Variants in EVL observed in about 807,000 individuals in gnomAD.
The protein encoded by EVL is ena/VASP-like protein.
EVL carries 21 observed loss-of-function variants against 59.6 expected under a neutral mutation model. That is an observed-to-expected ratio of 0.35 (90% confidence interval 0.25 to 0.51). EVL has a LOEUF of 0.51. Among genes scored for constraint, EVL ranks in the 20% least tolerant of loss-of-function variants. EVL has a pLI of 0.97. For synonymous variants in EVL, 198 were observed against 203.5 expected (o/e 0.97, Z 0.23); for missense variants, 462 against 546.6 (o/e 0.85, Z 1.54).
In EVL at chr14:100,130,661, T is replaced by C. The variant is rs61984555; in HGVS notation, c.839+977T>C. Among the ~76,000 whole-genome samples the C allele has an allele frequency of 0.027, 4,155 of 152,334 alleles. 81 individuals are homozygous for C. Among genetic ancestry groups the C allele is most frequent in the Non-Finnish European group, 0.041 (2,759 of 68,016 alleles). On this transcript the variant is annotated intron_variant, in intron 7 of 13. Coordinates refer to ENST00000392920, the MANE Select transcript of EVL (RefSeq NM_016337.3). The surrounding 1 kb of genome is among the most constrained non-coding windows in gnomAD (Gnocchi z 4.8). ...CCTTCCCGTGGCTCCATGAGGATGATGCGAGATGACAGAGGCCCACAGCTG... is the reference window on the plus strand; with the variant it reads ...CCTTCCCGTGGCTCCATGAGGATGACGCGAGATGACAGAGGCCCACAGCTG...
chr14:100,087,276 G>T (rs756631969), intron 2 of EVL, among the ~76,000 whole-genome samples: 2 of 152,190 alleles, frequency 1.3e-5, no homozygotes, highest in Non-Finnish European at 2.9e-5. Flanking sequence ...CTTACATTCA[G>T]GGTGACAAAC....
At chr14:100,047,818 G>T (rs567110690) in intron 1 of EVL, among the ~76,000 whole-genome samples, 1 of 152,036 alleles carries the variant, frequency 6.6e-6, no homozygotes, top group Non-Finnish European at 1.5e-5. Flanking sequence ...AATAGGTCCC[G>T]ACAAAAATGC....
intron 2 of EVL, chr14:100,085,125 A>G (rs1305869173): frequency 3.2e-6 from 1 of 314,604 alleles, no homozygotes; most frequent in Non-Finnish European, 5.8e-6. Context: ...TCAGATTAAA[A>G]TAAATAATAG....
At chr14:100,016,255 G>T (rs1180550386) in intron 1 of EVL, among the ~76,000 whole-genome samples, 1 of 152,078 alleles carries the variant, frequency 6.6e-6, no homozygotes, top group Non-Finnish European at 1.5e-5. Flanking sequence ...AAAACACTGG[G>T]CGTTGTGGCT....
Position 100,131,388 on chromosome 14 carries a change from C to A in EVL, c.840-1331C>A, listed in dbSNP as rs117549428. On this transcript the variant is annotated intron_variant, in intron 7 of 13. Coordinates refer to ENST00000392920, the MANE Select transcript of EVL (RefSeq NM_016337.3). ...TCAGCAGGGATCAATCAGGTGCTCT[C>A]TGAAATCCACCTCAGTGATGGCTAC... Among the ~76,000 whole-genome samples the A allele has an allele frequency of 8.1e-4, 123 of 152,296 alleles. No individual in the cohort carries two copies. In the East Asian group the frequency reaches 0.019, roughly 23 times the overall value.
intron 1 of EVL, among the ~76,000 whole-genome samples, chr14:100,060,052 A>G (rs1195309637): frequency 6.6e-6 from 1 of 152,260 alleles, no homozygotes; most frequent in East Asian, 1.9e-4. Context: ...CAAATTACCC[A>G]TAATAAATAT....
At chr14:100,025,813 G>A (rs538032396) in intron 1 of EVL, among the ~76,000 whole-genome samples, 1 of 152,286 alleles carries the variant, frequency 6.6e-6, no homozygotes, top group South Asian at 2.1e-4. Context: ...GCGCATGCCT[G>A]TAATCCTAGC....
intron 1 of EVL, among the ~76,000 whole-genome samples, chr14:100,014,857 T>G (rs2061039297): frequency 6.6e-6 from 1 of 152,166 alleles, no homozygotes; most frequent in Admixed American, 6.5e-5. Context: ...ATTCCTCTTA[T>G]TACCGCTCAG....
intron 1 of EVL, among the ~76,000 whole-genome samples, chr14:100,041,065 A>G (rs1007793117): frequency 6.6e-6 from 1 of 152,218 alleles, no homozygotes. Flanking sequence ...ATATATTAAT[A>G]CATAATATGC....
chr14:100,136,033 T>C, intron 9 of EVL, 65 bp downstream of exon 9: 2 of 1,561,262 alleles, frequency 1.3e-6, no homozygotes, highest in South Asian at 2.2e-5. Context: ...GGGGGACCCT[T>C]CGGACAGGAC....
At chr14:100,059,890 C>T (rs2061794115) in intron 1 of EVL, among the ~76,000 whole-genome samples, 1 of 152,142 alleles carries the variant, frequency 6.6e-6, no homozygotes, top group Non-Finnish European at 1.5e-5. Flanking sequence ...TAGCATAATC[C>T]AGACTTTCTG....
At chr14:100,135,611 G>C in intron 8 of EVL, 1 of 351,494 alleles carries the variant, frequency 2.8e-6, no homozygotes, top group Non-Finnish European at 5.3e-6. Flanking sequence ...TCCGGCCCAA[G>C]GGGGGCTCAG....
intron 1 of EVL, among the ~76,000 whole-genome samples, chr14:100,056,059 C>G (rs1482676540): frequency 6.6e-6 from 1 of 152,136 alleles, no homozygotes; most frequent in African/African-American, 2.4e-5. Flanking sequence ...ATCCGCCCAC[C>G]TCGGCCTCCC....
rs538373386 is a variant in EVL at position 100,129,753 on chromosome 14, C to T, written c.839+69C>T. Reference sequence around the variant, plus strand: ...GCTCCTGCCCCCGCCCCCAGCGCTGCACAGAGAATCCTCTCTTGACCCCAG... The same window carrying T: ...GCTCCTGCCCCCGCCCCCAGCGCTGTACAGAGAATCCTCTCTTGACCCCAG... On this transcript the variant is annotated intron_variant, in intron 7 of 13. Coordinates refer to ENST00000392920, the MANE Select transcript of EVL (RefSeq NM_016337.3). 2.0e-5 allele frequency: 29 copies of T among 1,453,286 alleles called. No homozygotes were observed. The South Asian group carries it at 4.2e-4, about 21-fold the overall frequency. The allele number at this position is 1,453,286 out of a possible 1,614,324, so 90.0% of individuals were successfully genotyped here.
chr14:100,106,630 T>G (rs979070734), intron 3 of EVL: 4 of 391,858 alleles, frequency 1.0e-5, no homozygotes, highest in Non-Finnish European at 1.8e-5. Context: ...AGGTAGGTTA[T>G]GTAATCTATG....
intron 1 of EVL, among the ~76,000 whole-genome samples, chr14:100,080,506 C>T (rs2140295656): frequency 6.6e-6 from 1 of 152,268 alleles, no homozygotes; most frequent in African/African-American, 2.4e-5. Context: ...GAAACTGAGG[C>T]CTAGAGTCAC....
At chr14:100,060,260 C>G (rs1017646975) in intron 1 of EVL, among the ~76,000 whole-genome samples, 12 of 151,764 alleles carry the variant, frequency 7.9e-5, no homozygotes, top group African/African-American at 2.2e-4. Flanking sequence ...GAAACCCCGT[C>G]TCTACTAAAA....
intron 13 of EVL, 22 bp from the exon 14 acceptor site, chr14:100,143,679 G>GCCGCCGCCACCTGTC (rs767895846): frequency 6.2e-7 from 1 of 1,610,972 alleles, no homozygotes; most frequent in Non-Finnish European, 8.5e-7. Context: ...CTGCACCTGA[G>GCCGCCGCCACCTGTC]CCGCCGCCAC....
chr14:99,983,197 A>G (rs2060819007), intron 1 of EVL, among the ~76,000 whole-genome samples: 1 of 152,244 alleles, frequency 6.6e-6, no homozygotes, highest in African/African-American at 2.4e-5. Context: ...TGCAGTTGCT[A>G]TTGATGCATC....
Sources: gnomAD v4.1 joint callset for allele counts (sites outside exome capture counted in the v4.1 genomes callset) on GRCh38, gnomAD v4.1.1 for gene constraint, Gnocchi (gnomAD v3.1) non-coding constraint, MANE v1.5 for transcripts, NCBI Gene and HGNC (gene_info 2026-07-23, HGNC 2026-07-21) for gene names.